Variants in CCDC80 observed in about 807,000 individuals in gnomAD.
CCDC80 encodes the protein coiled-coil domain containing 80.
A neutral mutation model predicts 78.7 loss-of-function variants in CCDC80; 49 were observed. The ratio of observed to expected loss-of-function variants is 0.62; its 90% CI spans 0.50 to 0.79. The LOEUF (loss-of-function observed/expected upper bound fraction) is 0.79, where lower values mean the gene tolerates loss of function less well. Ranked by LOEUF, CCDC80 falls within the 30% of genes least tolerant of loss-of-function variation. The pLI, the probability that CCDC80 is intolerant of heterozygous loss-of-function variation, is 0.00. For missense variants in CCDC80, 1,205 were observed against 1,198.6 expected, an observed-to-expected ratio of 1.01 and a Z score of -0.08; for synonymous variants, 488 against 447.0, an observed-to-expected ratio of 1.09 and a Z score of -1.16.
At chr3:112,616,640 T>C in intron 5 of CCDC80, 70 bp downstream of exon 5, 3 of 1,560,024 alleles carry the variant, frequency 1.9e-6, no homozygotes, top group Non-Finnish European at 2.6e-6. Flanking sequence ...CTGTGTTTCT[T>C]TGGCATTTTC....
rs538758913 is a variant in CCDC80 at position 112,607,043 on chromosome 3, AATGC to A, written c.2506+129_2506+132del. On this transcript the variant is annotated intron_variant, in intron 7 of 7. Transcript: ENST00000206423. The stretch of plus-strand genomic sequence containing the variant: ...GTGCACACACAGGCACACATGCACA[AATGC>A]ATGAAGTGGGAGGAGGATTCAATGA... 103 of 622,268 alleles carry A rather than the reference AATGC, an allele frequency of 1.7e-4. No individual in the cohort carries two copies. The African/African-American group carries it at 1.8e-3, about 11-fold the overall frequency. 38.5% of individuals were successfully genotyped at this position (622,268 alleles called of 1,614,324 possible).
intron 5 of CCDC80, among the ~76,000 whole-genome samples, chr3:112,611,782 C>A (rs930501755): frequency 1.8e-4 from 27 of 152,200 alleles, no homozygotes; most frequent in African/African-American, 6.5e-4. Context: ...GCCTTCAGTG[C>A]AGGTGACCGC....
At chr3:112,606,415 T>C (rs1366901474) in intron 7 of CCDC80, among the ~76,000 whole-genome samples, 2 of 151,528 alleles carry the variant, frequency 1.3e-5, no homozygotes, top group African/African-American at 4.9e-5. Flanking sequence ...TTTGTTTTGT[T>C]TTGTTTTGTT....
At chr3:112,612,565 C>A (rs759494303) in intron 5 of CCDC80, among the ~76,000 whole-genome samples, 1 of 152,140 alleles carries the variant, frequency 6.6e-6, no homozygotes, top group South Asian at 2.1e-4. Context: ...CTGACCCAGA[C>A]CCTTATTTTA....
At chr3:112,615,289 G>GA (rs968809399) in intron 5 of CCDC80, among the ~76,000 whole-genome samples, 36 of 152,260 alleles carry the variant, frequency 2.4e-4, no homozygotes, top group African/African-American at 8.4e-4. Flanking sequence ...CACATATGGA[G>GA]AATGTGCTTT....
intron 3 of CCDC80, among the ~76,000 whole-genome samples, chr3:112,621,786 T>C (rs1266174578): frequency 6.6e-6 from 1 of 152,108 alleles, no homozygotes; most frequent in Non-Finnish European, 1.5e-5. Context: ...ACCCCTACCA[T>C]AGGACAGCTC....
At chr3:112,630,789 T>C (rs543649863) in intron 2 of CCDC80, among the ~76,000 whole-genome samples, 14 of 152,332 alleles carry the variant, frequency 9.2e-5, no homozygotes, top group African/African-American at 3.4e-4. Flanking sequence ...TAGAAAACCT[T>C]GCAGAAAGGT....
In CCDC80 at chr3:112,616,431, A is replaced by C. The variant is rs1935745328; in HGVS notation, c.2321+279T>G. On this transcript the variant is annotated intron_variant, in intron 5 of 7. Coordinates refer to ENST00000206423, the MANE Select transcript of CCDC80 (RefSeq NM_199511.3). ...GGATTCTATATTCTGTACCAAAGAA[A>C]GAGAAAAAAAAAGAAAAGAAAAAAA... 2.6e-5 allele frequency among the ~76,000 whole-genome samples: 3 copies of C among 116,934 alleles called. No homozygotes were observed. In the South Asian group the frequency reaches 9.0e-4, roughly 35 times the overall value. The allele number at this position is 116,934 out of a possible 152,430, so 76.7% of individuals were successfully genotyped here.
intron 2 of CCDC80, among the ~76,000 whole-genome samples, chr3:112,632,242 T>C (rs1377664793): frequency 1.3e-5 from 2 of 152,170 alleles, no homozygotes; most frequent in Non-Finnish European, 2.9e-5. Flanking sequence ...TTCTGACTGT[T>C]TTGTGCTCAA....
At chr3:112,621,015 A>G (rs1269562619) in intron 3 of CCDC80, among the ~76,000 whole-genome samples, 1 of 152,186 alleles carries the variant, frequency 6.6e-6, no homozygotes, top group Non-Finnish European at 1.5e-5. Context: ...ACAAAGTCAC[A>G]AAATCACTGA....
intron 5 of CCDC80, among the ~76,000 whole-genome samples, chr3:112,612,063 A>T (rs1170916549): frequency 1.4e-4 from 21 of 144,842 alleles, no homozygotes; most frequent in African/African-American, 5.0e-4. Flanking sequence ...TTTTTTTTTA[A>T]AAAGGGAAAG....
At position 112,639,138 on chromosome 3, in the gene CCDC80, G is replaced by A. The variant is rs746897353; in HGVS notation, c.768C>T (p.Ala256=). ...ERYPYPVRLE[A]MYEVIDQGPI... ...GGCCTTGGTCGATGACCTCGTACAT[G>A]GCTTCCAGCCTAACGGGATATGGAT... is the stretch of plus-strand genomic sequence containing the variant. The change falls in exon 2 of 8, where the codon GCC becomes GCT. Residue 256 remains alanine (A), a synonymous_variant. Coordinates refer to ENST00000206423, the MANE Select transcript of CCDC80 (RefSeq NM_199511.3). 1.2e-6 allele frequency: 2 copies of A among 1,614,022 alleles called. No individual in the cohort carries two copies. Among genetic ancestry groups the A allele is most frequent in the Admixed American group, 1.7e-5 (1 of 60,000 alleles).
At chr3:112,605,806 T>G in intron 7 of CCDC80, 43 bp from the exon 8 acceptor site, 1 of 1,494,158 alleles carries the variant, frequency 6.7e-7, no homozygotes, top group Non-Finnish European at 9.2e-7. Flanking sequence ...GATTAAACAG[T>G]CAGAGCCCAT....
chr3:112,629,253 C>T (rs892026278), intron 3 of CCDC80, among the ~76,000 whole-genome samples: 25 of 148,908 alleles, frequency 1.7e-4, no homozygotes, highest in African/African-American at 5.2e-4. Flanking sequence ...AATATGCAAA[C>T]GATGGAATAT....
intron 3 of CCDC80, among the ~76,000 whole-genome samples, chr3:112,626,487 C>T (rs1393554534): frequency 6.6e-6 from 1 of 152,136 alleles, no homozygotes; most frequent in Non-Finnish European, 1.5e-5. Flanking sequence ...CAGGATCAGA[C>T]AGAAAGGGTA....
chr3:112,607,514 C>T (rs867626802), intron 6 of CCDC80, among the ~76,000 whole-genome samples: 4 of 152,090 alleles, frequency 2.6e-5, no homozygotes, highest in Admixed American at 1.3e-4. Flanking sequence ...ATGCTGGGCG[C>T]GGCGGCTCAT....
intron 3 of CCDC80, among the ~76,000 whole-genome samples, chr3:112,622,423 T>G (rs1451658242): frequency 6.6e-6 from 1 of 152,294 alleles, no homozygotes; most frequent in East Asian, 1.9e-4. Flanking sequence ...CAGAGTCCAC[T>G]CTAGGCCAGT....
chr3:112,605,623 T>A lies in CCDC80; in HGVS notation c.2647A>T (p.Met883Leu). 2 of 1,614,216 alleles carry A rather than the reference T, an allele frequency of 1.2e-6. No individual in the cohort carries two copies. The highest frequency in any genetic ancestry group is 1.1e-5 in the South Asian group (1 of 91,086). ...TCGTACACAATCACCATGGACCACATTGGGGAAGGATACCAGGATTTGACA... is the reference window on the plus strand; with the variant it reads ...TCGTACACAATCACCATGGACCACAATGGGGAAGGATACCAGGATTTGACA... ...GNVKSWYPSP[M>L]WSMVIVYDLI... The change falls in exon 8 of 8, where the codon ATG becomes TTG. Residue 883 changes from methionine to leucine, a missense_variant. Coordinates refer to ENST00000206423, the MANE Select transcript of CCDC80 (RefSeq NM_199511.3).
chr3:112,611,205 G>A (rs1329720972), intron 5 of CCDC80, among the ~76,000 whole-genome samples: 1 of 152,064 alleles, frequency 6.6e-6, no homozygotes, highest in Admixed American at 6.6e-5. Flanking sequence ...GAGCCACTGC[G>A]CCCAGCCTTC....
Sources: allele counts gnomAD v4.1 joint callset (sites outside exome capture counted in the v4.1 genomes callset), GRCh38; gene constraint gnomAD v4.1.1; transcripts MANE v1.5; gene names NCBI Gene and HGNC (gene_info 2026-07-23, HGNC 2026-07-21).